The following ZNF536 variants were observed in gnomAD, a reference collection of about 807,000 sequenced individuals.
The protein encoded by ZNF536 is zinc finger protein 536.
Under a neutral mutation model 84.5 loss-of-function variants are expected in ZNF536, and 13 were observed. The observed-to-expected ratio is 0.15, with a 90% CI of 0.10 to 0.24. The LOEUF is 0.24. Ranked by LOEUF, ZNF536 falls within the 10% of genes least tolerant of loss-of-function variation. ZNF536 has a pLI of 1.00. For missense variants in ZNF536, 1,536 were observed against 1,747.5 expected, an observed-to-expected ratio of 0.88 and a Z score of 2.16; for synonymous variants, 811 against 742.5, an observed-to-expected ratio of 1.09 and a Z score of -1.50.
intron 1 of ZNF536, among the ~76,000 whole-genome samples, chr19:30,268,019 CT>C (rs1402733774): frequency 1.5e-5 from 2 of 137,708 alleles, no homozygotes; most frequent in Non-Finnish European, 3.3e-5. Context: ...TAGTGATTTT[CT>C]TTTCTTCCAT....
chr19:30,504,731 T>C (rs2055096214), intron 2 of ZNF536, among the ~76,000 whole-genome samples: 1 of 151,470 alleles, frequency 6.6e-6, no homozygotes, highest in South Asian at 2.1e-4. Context: ...TTGTCAGGTA[T>C]GTTCTGGGCT....
At chr19:30,438,115 G>C (rs917886789) in intron 1 of ZNF536, among the ~76,000 whole-genome samples, 1 of 152,070 alleles carries the variant, frequency 6.6e-6, no homozygotes, top group Non-Finnish European at 1.5e-5. Flanking sequence ...TTTAGACTCG[G>C]GGGTACATGT....
intron 1 of ZNF536, among the ~76,000 whole-genome samples, chr19:30,587,224 C>T (rs2047124567): frequency 1.3e-5 from 2 of 152,162 alleles, no homozygotes; most frequent in Admixed American, 1.3e-4. Context: ...AGTGTGCATG[C>T]AATTTCACTG....
rs1293330660 is a variant in ZNF536 at position 30,534,903 on chromosome 19, G to A, written c.2227G>A (p.Asp743Asn). 4.3e-6 allele frequency: 7 copies of A among 1,613,764 alleles called. No individual in the cohort carries two copies. The highest frequency in any genetic ancestry group is 2.2e-5 in the East Asian group (1 of 44,884). Residue 743 changes from aspartate to asparagine, a missense_variant, in exon 3 of 5, where the codon GAC becomes AAC. By Grantham distance (23) the Asp-to-Asn change is conservative. Around this residue, in one of 8 missense-constraint regions of ZNF536, gnomAD observed 148 missense variants for 205.4 expected, o/e 0.72. Coordinates refer to ENST00000355537, the MANE Select transcript of ZNF536 (RefSeq NM_014717.3). ...AGVQQPALLR[D>N]RSLGSAMKDC... ...CGTCCAGCAACCAGCGCTGCTTCGC[G>A]ACAGAAGCCTGGGCTCGGCCATGAA...
chr19:30,540,654 A>T (rs761618745), intron 3 of ZNF536, among the ~76,000 whole-genome samples: 2 of 152,226 alleles, frequency 1.3e-5, no homozygotes, highest in Non-Finnish European at 2.9e-5. Flanking sequence ...ATTAAAGGTT[A>T]TAATCAGATC....
chr19:30,308,943 C>T (rs1020025459), intron 2 of ZNF536, among the ~76,000 whole-genome samples: 2 of 152,068 alleles, frequency 1.3e-5, no homozygotes, highest in African/African-American at 2.4e-5. Context: ...TGATTCGTGG[C>T]GTCCCCCCAG....
At chr19:30,310,783 TA>T (rs1230301070) in intron 2 of ZNF536, among the ~76,000 whole-genome samples, 3 of 152,216 alleles carry the variant, frequency 2.0e-5, no homozygotes, top group African/African-American at 4.8e-5. Context: ...TTTGCGTGAC[TA>T]AATACAGACA....
At chr19:30,502,433 C>A (rs147226661) in intron 2 of ZNF536, among the ~76,000 whole-genome samples, 258 of 151,954 alleles carry the variant, frequency 1.7e-3, no homozygotes, top group African/African-American at 6.1e-3. Context: ...GGGAAGAGGC[C>A]CTGGAAATGG....
chr19:30,579,075 G>A (rs1488680622), intron 1 of ZNF536, among the ~76,000 whole-genome samples: 2 of 152,138 alleles, frequency 1.3e-5, no homozygotes. Flanking sequence ...CTGTTTCTAA[G>A]ACTTAGTTAT....
upstream of ZNF536, among the ~76,000 whole-genome samples, chr19:30,367,590 A>T (rs2048477834): frequency 3.3e-5 from 5 of 152,070 alleles, no homozygotes; most frequent in Non-Finnish European, 7.4e-5. Flanking sequence ...GGCTTTCTCT[A>T]CCAGCTGGAT....
chr19:30,326,457 G>C lies in ZNF536; in HGVS notation c.-119-25911G>C, dbSNP rs141294113. Among the ~76,000 whole-genome samples, 639 of 152,276 alleles carry C rather than the reference G, an allele frequency of 4.2e-3. 5 individuals are homozygous for C. Among genetic ancestry groups the C allele is most frequent in the African/African-American group, 0.014 (595 of 41,552 alleles). On this transcript the variant is annotated intron_variant, in intron 2 of 5. Transcript: ENST00000585628. Reference sequence around the variant, plus strand: ...AAACAGCAATGTCCTCTTTTTGTTCGTGGTAGGGAACAAGTGTCCTCCAGG... The same window carrying C: ...AAACAGCAATGTCCTCTTTTTGTTCCTGGTAGGGAACAAGTGTCCTCCAGG...
intron 2 of ZNF536, among the ~76,000 whole-genome samples, chr19:30,494,084 A>T (rs752335696): frequency 9.9e-5 from 15 of 152,106 alleles, no homozygotes; most frequent in Non-Finnish European, 1.6e-4. Context: ...TAATAATAAA[A>T]CTTCCTTAAA....
chr19:30,482,873 G>T (rs1409290500), intron 2 of ZNF536, among the ~76,000 whole-genome samples: 1 of 152,134 alleles, frequency 6.6e-6, no homozygotes, highest in Non-Finnish European at 1.5e-5. Context: ...GTCTGGGTGG[G>T]CTTCAGCAAG....
At chr19:30,581,896 T>C (rs1268430969) in intron 1 of ZNF536, among the ~76,000 whole-genome samples, 1 of 152,176 alleles carries the variant, frequency 6.6e-6, no homozygotes, top group East Asian at 1.9e-4. Flanking sequence ...ATCGTGCCAC[T>C]GCACTCCAGC....
At chr19:30,260,909 C>T (rs1305433476) in intron 1 of ZNF536, among the ~76,000 whole-genome samples, 3 of 152,224 alleles carry the variant, frequency 2.0e-5, no homozygotes, top group Admixed American at 2.0e-4. Context: ...ACAGCCTCAG[C>T]TTCAGCTACT....
chr19:30,429,067 G>A (rs1202630400), intron 1 of ZNF536, among the ~76,000 whole-genome samples: 1 of 152,190 alleles, frequency 6.6e-6, no homozygotes, highest in African/African-American at 2.4e-5. Flanking sequence ...CCATGCAGGT[G>A]TGGTTTAAGG....
intron 1 of ZNF536, among the ~76,000 whole-genome samples, chr19:30,664,124 A>G (rs557084520): frequency 1.3e-5 from 2 of 152,314 alleles, no homozygotes; most frequent in South Asian, 4.1e-4. Context: ...GATTGAAAAA[A>G]TAAATCATTT....
At chr19:30,547,877 C>T (rs2146169461) in intron 3 of ZNF536, 66 bp from the exon 4 acceptor site, 2 of 1,496,992 alleles carry the variant, frequency 1.3e-6, no homozygotes, top group East Asian at 2.3e-5. Flanking sequence ...TTGATCCTTC[C>T]AGCCTCGTTC....
At chr19:30,297,011 C>G (rs912877887) in intron 2 of ZNF536, among the ~76,000 whole-genome samples, 7 of 152,194 alleles carry the variant, frequency 4.6e-5, no homozygotes. Flanking sequence ...GTTTGAGATG[C>G]TCCACGATCA....
Sources: allele counts gnomAD v4.1 joint callset (sites outside exome capture counted in the v4.1 genomes callset), GRCh38; gene constraint gnomAD v4.1.1; regional missense constraint gnomAD v4.1.1; transcripts MANE v1.5; gene names NCBI Gene and HGNC (gene_info 2026-07-23, HGNC 2026-07-21).